TMC5: variants seen among roughly 807,000 people sequenced by gnomAD.
TMC5 encodes the protein transmembrane channel-like protein 5.
A neutral mutation model predicts 110.5 loss-of-function variants in TMC5; 86 were observed. That is an observed-to-expected ratio of 0.78 (90% CI 0.65 to 0.93). TMC5 has a LOEUF of 0.93. TMC5 is among the 40% of genes least tolerant of loss of function. The probability of loss-of-function intolerance (pLI) is 0.00; values close to 1 mark genes in which losing one functional copy is unlikely to be tolerated. For missense variants in TMC5, 1,144 were observed against 1,222.8 expected (o/e 0.94, Z 0.96); for synonymous variants, 455 against 439.5 (o/e 1.04, Z -0.44).
chr16:19,436,965 C>T (rs918041501), intron 2 of TMC5, among the ~76,000 whole-genome samples: 6 of 152,044 alleles, frequency 3.9e-5, no homozygotes, highest in African/African-American at 1.2e-4. Flanking sequence ...TGCTTGAGCT[C>T]AGGAGTTTGA....
chr16:19,486,824 A>G (rs1968754363), intron 15 of TMC5, 121 bp from the exon 16 acceptor site: 1 of 827,072 alleles, frequency 1.2e-6, no homozygotes, highest in Admixed American at 2.3e-5. Flanking sequence ...CAATATATGG[A>G]TTTTGGGGAC....
At chr16:19,437,153 C>T (rs898295465) in intron 2 of TMC5, among the ~76,000 whole-genome samples, 4 of 152,142 alleles carry the variant, frequency 2.6e-5, no homozygotes, top group Non-Finnish European at 5.9e-5. Context: ...CTAGCCTGGA[C>T]GGCAGAGTGA....
chr16:19,432,513 T>C (rs146441625), intron 2 of TMC5, among the ~76,000 whole-genome samples: 175 of 152,204 alleles, frequency 1.1e-3, no homozygotes, highest in Non-Finnish European at 2.5e-4. Flanking sequence ...TTTACTCCTC[T>C]AATAGTTAAC....
intron 17 of TMC5, among the ~76,000 whole-genome samples, chr16:19,489,215 A>G (rs1440901259): frequency 2.0e-5 from 3 of 152,216 alleles, no homozygotes; most frequent in Non-Finnish European, 2.9e-5. Context: ...TCTGCCACCC[A>G]GGCAGGAATG....
chr16:19,412,473 C>G (rs926762177), intron 1 of TMC5, among the ~76,000 whole-genome samples: 12 of 152,100 alleles, frequency 7.9e-5, no homozygotes, highest in African/African-American at 2.2e-4. Context: ...TCAAGCAATT[C>G]TCCTGCCTCA....
chr16:19,465,105 C>A (rs1968150907), intron 8 of TMC5, among the ~76,000 whole-genome samples: 1 of 89,654 alleles, frequency 1.1e-5, no homozygotes, highest in Non-Finnish European at 2.3e-5. Flanking sequence ...TCCTTCCTTC[C>A]TTCCTTCCTC....
At chr16:19,475,806 T>C (rs569394641) in intron 12 of TMC5, among the ~76,000 whole-genome samples, 326 of 148,516 alleles carry the variant, frequency 2.2e-3, no homozygotes, top group Admixed American at 5.6e-3. Flanking sequence ...TTCTTTCTTT[T>C]TTTTTTTTTT....
chr16:19,416,572 C>A (rs1966878135), upstream of TMC5, among the ~76,000 whole-genome samples: 1 of 152,098 alleles, frequency 6.6e-6, no homozygotes, highest in Non-Finnish European at 1.5e-5. Context: ...TATATAGTTC[C>A]CACTTTGTAG....
intron 1 of TMC5, among the ~76,000 whole-genome samples, chr16:19,422,857 A>G (rs1597156479): frequency 6.6e-6 from 1 of 152,280 alleles, no homozygotes; most frequent in Middle Eastern, 3.4e-3. Flanking sequence ...CTGAGGCAGG[A>G]GAATTGCTTG....
intron 6 of TMC5, among the ~76,000 whole-genome samples, chr16:19,460,734 C>T (rs531719143): frequency 5.9e-5 from 9 of 152,244 alleles, no homozygotes; most frequent in South Asian, 4.1e-4. Flanking sequence ...GTCTAAACAG[C>T]GAAAAACATT....
intron 4 of TMC5, among the ~76,000 whole-genome samples, chr16:19,445,892 G>T (rs76535357): frequency 5.9e-5 from 9 of 151,946 alleles, no homozygotes; most frequent in African/African-American, 1.9e-4. Context: ...GCACACACCT[G>T]GGGTCCCAGC....
At chr16:19,470,688 T>C (rs1327812013) in intron 10 of TMC5, among the ~76,000 whole-genome samples, 3 of 128,566 alleles carry the variant, frequency 2.3e-5, no homozygotes, top group Admixed American at 2.0e-4. Context: ...AGTGCAGAGG[T>C]TGAGAAACCC....
intron 1 of TMC5, among the ~76,000 whole-genome samples, chr16:19,423,284 G>T (rs1967023982): frequency 6.6e-6 from 1 of 152,128 alleles, no homozygotes; most frequent in Non-Finnish European, 1.5e-5. Context: ...AGCATCCCTG[G>T]CCTCCACCCA....
upstream of TMC5, among the ~76,000 whole-genome samples, chr16:19,417,247 C>T (rs1966883797): frequency 1.3e-5 from 2 of 151,550 alleles, no homozygotes; most frequent in African/African-American, 2.4e-5. Flanking sequence ...GACAGAACCC[C>T]AGCTCTTCAA....
At chr16:19,456,744 A>G in intron 5 of TMC5, 2 of 1,613,392 alleles carry the variant, frequency 1.2e-6, no homozygotes, top group Non-Finnish European at 8.5e-7. Flanking sequence ...ATCATCATAC[A>G]GGTTGAGAAT....
Position 19,440,004 on chromosome 16 carries a change from A to T in TMC5, c.-35A>T. On this transcript the variant is annotated 5_prime_UTR_variant, in exon 3 of 22. Transcript: ENST00000542583. ...CCTGAGTAATTGCAAATGCTGGGACAGTTTACCACTCCAGGGTGAAGAGTC... is the reference window on the plus strand; with the variant it reads ...CCTGAGTAATTGCAAATGCTGGGACTGTTTACCACTCCAGGGTGAAGAGTC... 3.9e-6 allele frequency: 6 copies of T among 1,527,902 alleles called. No individual in the cohort carries two copies. The highest frequency in any genetic ancestry group is 5.3e-6 in the Non-Finnish European group (6 of 1,125,602). The allele number at this position is 1,527,902 out of a possible 1,614,324, so 94.6% of individuals were successfully genotyped here.
chr16:19,430,046 G>A (rs1031122969), intron 1 of TMC5, among the ~76,000 whole-genome samples: 7 of 151,990 alleles, frequency 4.6e-5, no homozygotes, highest in Non-Finnish European at 7.4e-5. Context: ...CAGTGGTCAC[G>A]GTATGAACAG....
At chr16:19,484,403 C>G (rs1473533201) in intron 15 of TMC5, among the ~76,000 whole-genome samples, 1 of 152,196 alleles carries the variant, frequency 6.6e-6, no homozygotes, top group Non-Finnish European at 1.5e-5. Flanking sequence ...GGGCAAGTTA[C>G]TTAAACTCTC....
intron 12 of TMC5, among the ~76,000 whole-genome samples, chr16:19,475,488 C>A (rs1968464958): frequency 6.6e-6 from 1 of 152,052 alleles, no homozygotes; most frequent in Non-Finnish European, 1.5e-5. Flanking sequence ...AGTTCCAGAG[C>A]CCTTGCCTTA....
Sources: allele counts gnomAD v4.1 joint callset (sites outside exome capture counted in the v4.1 genomes callset), GRCh38; gene constraint gnomAD v4.1.1; transcripts MANE v1.5; gene names NCBI Gene and HGNC (gene_info 2026-07-23, HGNC 2026-07-21).